The following MRPL30 variants were observed in gnomAD, a reference collection of about 807,000 sequenced individuals.
The protein encoded by MRPL30 is large ribosomal subunit protein uL30m.
MRPL30 carries 10 observed loss-of-function variants against 17.2 expected under a neutral mutation model. That is an observed-to-expected ratio of 0.58 (90% CI 0.36 to 0.99). The LOEUF is 0.99. Among genes scored for constraint, MRPL30 ranks in the 50% least tolerant of loss-of-function variants. MRPL30 has a pLI of 0.01. For missense variants in MRPL30, 170 were observed against 189.8 expected (o/e 0.90, Z 0.61); for synonymous variants, 61 against 62.1 (o/e 0.98, Z 0.08).
chr2:99,191,817 C>T (rs748036044), intron 3 of MRPL30, among the ~76,000 whole-genome samples: 2 of 152,152 alleles, frequency 1.3e-5, no homozygotes, highest in African/African-American at 2.4e-5. Context: ...AACATAGTCG[C>T]GCATAGTTTA....
rs1195285903 is a variant in MRPL30, at chr2:99,196,931, CA to C, written c.*1230del. 1 of 152,210 alleles carries C rather than the reference CA, an allele frequency of 6.6e-6. No individual in the cohort carries two copies. Among genetic ancestry groups the C allele is most frequent in the African/African-American group, 2.4e-5 (1 of 41,454 alleles). 9.4% of individuals were successfully genotyped at this position (152,210 alleles called of 1,614,324 possible). On this transcript the variant is annotated 3_prime_UTR_variant, in exon 6 of 6. Transcript: ENST00000338148. ...ACTTTATTATTGCACACTGCCTGAA[CA>C]AAACCTATTTGTCTCTATGTAAATT...
intron 5 of MRPL30, 150 bp from the exon 6 acceptor site, chr2:99,195,423 G>C: frequency 1.0e-6 from 1 of 987,438 alleles, no homozygotes; most frequent in Non-Finnish European, 1.5e-6. Flanking sequence ...CATCATCTCA[G>C]ACATTTACCA....
Position 99,195,932 on chromosome 2 carries a change from A to C in MRPL30, c.*227A>C. The C allele has an allele frequency of 2.4e-6, 1 of 408,836 alleles. No individual in the cohort carries two copies. 25.3% of individuals were successfully genotyped at this position (408,836 alleles called of 1,614,324 possible). On this transcript the variant is annotated 3_prime_UTR_variant, in exon 6 of 6. Coordinates refer to ENST00000338148, the MANE Select transcript of MRPL30 (RefSeq NM_145212.4). ...CCCCCATCTCTACTGAAAATACAGAATTAGCCAGGCATGGTGGCACATGCC... is the reference window on the plus strand; with the variant it reads ...CCCCCATCTCTACTGAAAATACAGACTTAGCCAGGCATGGTGGCACATGCC...
intron 1 of MRPL30, among the ~76,000 whole-genome samples, chr2:99,185,310 T>C (rs2093932157): frequency 6.6e-6 from 1 of 152,202 alleles, no homozygotes; most frequent in Non-Finnish European, 1.5e-5. Context: ...ATTAGCTTTG[T>C]AGTAATTTAA....
intron 3 of MRPL30, among the ~76,000 whole-genome samples, chr2:99,190,196 AT>A (rs946515747): frequency 3.3e-5 from 5 of 152,054 alleles, no homozygotes; most frequent in African/African-American, 1.2e-4. Flanking sequence ...TTCTCCATTG[AT>A]TTTCTTAAAA....
chr2:99,186,469 A>G (rs2093934269), intron 2 of MRPL30, among the ~76,000 whole-genome samples: 1 of 152,104 alleles, frequency 6.6e-6, no homozygotes, highest in Admixed American at 6.6e-5. Context: ...AGTAGCTGGG[A>G]CTACAGGTGT....
rs996747636 is a variant in MRPL30 at position 99,195,898 on chromosome 2, A to G, written c.*193A>G. On this transcript the variant is annotated 3_prime_UTR_variant, in exon 6 of 6. Transcript: ENST00000338148. ...AGAGTTCGAGACCAGCCTGACCAAC[A>G]TGGAGAAACCCCCATCTCTACTGAA... is the stretch of plus-strand genomic sequence containing the variant. The G allele has an allele frequency of 9.1e-6, 5 of 547,740 alleles. No individual in the cohort carries two copies. Among genetic ancestry groups the G allele is most frequent in the African/African-American group, 8.0e-5 (4 of 50,168 alleles). 33.9% of individuals were successfully genotyped at this position (547,740 alleles called of 1,614,324 possible).
chr2:99,185,603 A>G (rs1266811272), intron 1 of MRPL30, among the ~76,000 whole-genome samples: 1 of 152,242 alleles, frequency 6.6e-6, no homozygotes, highest in Non-Finnish European at 1.5e-5. Flanking sequence ...CATTGAGAAT[A>G]GTTTAAAAAG....
At position 99,196,279 on chromosome 2, in the gene MRPL30, A is replaced by G. The variant is rs2093955149; in HGVS notation, c.*574A>G. The stretch of plus-strand genomic sequence containing the variant: ...GCCACCTTAGCAAGCCTCATTAACC[A>G]TTTTATAAAAATTGCGTTAGTATTG... On this transcript the variant is annotated 3_prime_UTR_variant, in exon 6 of 6. Transcript: ENST00000338148. The G allele has an allele frequency of 6.5e-6, 1 of 152,908 alleles. No homozygotes were observed. Among genetic ancestry groups the G allele is most frequent in the African/African-American group, 2.4e-5 (1 of 41,376 alleles). The allele number at this position is 152,908 out of a possible 1,614,324, so 9.5% of individuals were successfully genotyped here.
At position 99,193,178 on chromosome 2, in the gene MRPL30, C is replaced by T. The variant is rs12053292; in HGVS notation, c.133-1573C>T. 3.2e-4 allele frequency among the ~76,000 whole-genome samples: 49 copies of T among 152,264 alleles called. No individual in the cohort carries two copies. The East Asian group carries it at 6.4e-3, about 20-fold the overall frequency. On this transcript the variant is annotated intron_variant, in intron 3 of 5. Coordinates refer to ENST00000338148, the MANE Select transcript of MRPL30 (RefSeq NM_145212.4). ...AGTGGGCAAAGGAAATGAACAGACA[C>T]TTCTCAAAAGAAGATATTTATGTGG...
intron 3 of MRPL30, among the ~76,000 whole-genome samples, chr2:99,192,270 C>T (rs2105247429): frequency 6.6e-6 from 1 of 152,180 alleles, no homozygotes; most frequent in Middle Eastern, 3.4e-3. Flanking sequence ...ATATGAACCT[C>T]TCACTGTATA....
At chr2:99,195,034 A>T in intron 4 of MRPL30, 82 bp from the exon 5 acceptor site, 1 of 1,408,902 alleles carries the variant, frequency 7.1e-7, no homozygotes, top group Non-Finnish European at 9.6e-7. Context: ...CTTAGAATGA[A>T]CCTTCAATTT....
chr2:99,183,867 A>G (rs1399618730), intron 1 of MRPL30, among the ~76,000 whole-genome samples: 2 of 152,156 alleles, frequency 1.3e-5, no homozygotes, highest in Admixed American at 6.5e-5. Context: ...ACCACATTAC[A>G]TTTAATGGTC....
rs920779863 is a variant in MRPL30, at chr2:99,198,155, G to C, written c.*2450G>C. Among the ~76,000 whole-genome samples, 1 of 152,234 alleles carries C rather than the reference G, an allele frequency of 6.6e-6. No individual in the cohort carries two copies. ...ATATGGGCATAGGCCAGCAGCATTA[G>C]CTTTCTATTGCTGCAGAACAAATTA... On this transcript the variant is annotated 3_prime_UTR_variant, in exon 6 of 6. Transcript: ENST00000338148.
At chr2:99,185,450 A>G (rs976139380) in intron 1 of MRPL30, among the ~76,000 whole-genome samples, 5 of 152,168 alleles carry the variant, frequency 3.3e-5, no homozygotes, top group Admixed American at 2.6e-4. Flanking sequence ...TAACGCACGA[A>G]TTAAGTAACC....
At chr2:99,185,653 G>A (rs2093932782) in intron 1 of MRPL30, 1 of 311,080 alleles carries the variant, frequency 3.2e-6, no homozygotes, top group African/African-American at 2.2e-5. Flanking sequence ...TAACAGAAAG[G>A]TGTTATGATT....
At position 99,194,178 on chromosome 2, in the gene MRPL30, A is replaced by T. The variant is rs181826005; in HGVS notation, c.133-573A>T. On this transcript the variant is annotated intron_variant, in intron 3 of 5. Transcript: ENST00000338148. ...GCCTTTAAACTTTTCAGTGTTACAC[A>T]TAGTGTTAGAATACACATCCTTATT... Among the ~76,000 whole-genome samples the T allele has an allele frequency of 2.0e-5, 3 of 152,280 alleles. No homozygotes were observed. In the East Asian group the frequency reaches 5.8e-4, roughly 29 times the overall value.
chr2:99,188,981 G>T (rs1046408834), intron 3 of MRPL30, among the ~76,000 whole-genome samples: 1 of 152,146 alleles, frequency 6.6e-6, no homozygotes, highest in Non-Finnish European at 1.5e-5. Flanking sequence ...GATTACAGGC[G>T]CCTGGCCTGT....
chr2:99,199,509 T>C lies in MRPL30; in HGVS notation c.*3804T>C, dbSNP rs902745857. Among the ~76,000 whole-genome samples, 3 of 152,230 alleles carry C rather than the reference T, an allele frequency of 2.0e-5. No homozygotes were observed. Among genetic ancestry groups the C allele is most frequent in the Non-Finnish European group, 4.4e-5 (3 of 68,038 alleles). ...TATTTTTTGCCTCAAAATTATTAAATGACATGAAATAAGTGCTCAAGAAGA... is the reference window on the plus strand; with the variant it reads ...TATTTTTTGCCTCAAAATTATTAAACGACATGAAATAAGTGCTCAAGAAGA... On this transcript the variant is annotated 3_prime_UTR_variant, in exon 6 of 6. Coordinates refer to ENST00000338148, the MANE Select transcript of MRPL30 (RefSeq NM_145212.4).
Sources: gnomAD v4.1 joint callset for allele counts (sites outside exome capture counted in the v4.1 genomes callset) on GRCh38, gnomAD v4.1.1 for gene constraint, MANE v1.5 for transcripts, NCBI Gene and HGNC (gene_info 2026-07-23, HGNC 2026-07-21) for gene names.